Variants in EPB41L3 observed in about 807,000 individuals in gnomAD.
The protein encoded by EPB41L3 is band 4.1-like protein 3.
Under a neutral mutation model 127.1 loss-of-function variants are expected in EPB41L3, and 57 were observed. That is an observed-to-expected ratio of 0.45 (90% CI 0.36 to 0.56). The LOEUF (loss-of-function observed/expected upper bound fraction) is 0.56, where lower values mean the gene tolerates loss of function less well. Among genes scored for constraint, EPB41L3 ranks in the 20% least tolerant of loss-of-function variants. The pLI, the probability that EPB41L3 is intolerant of heterozygous loss-of-function variation, is 0.00. For synonymous variants in EPB41L3, 572 were observed against 549.5 expected, an observed-to-expected ratio of 1.04 and a Z score of -0.57; for missense variants, 1,273 against 1,372.2, an observed-to-expected ratio of 0.93 and a Z score of 1.14.
intron 3 of EPB41L3, among the ~76,000 whole-genome samples, chr18:5,457,537 A>C (rs1240669377): frequency 2.6e-5 from 4 of 152,090 alleles, no homozygotes; most frequent in Non-Finnish European, 4.4e-5. Context: ...TTTACCATTG[A>C]AAAAGAAAAA....
chr18:5,470,173 T>C (rs1349832265), intron 3 of EPB41L3, among the ~76,000 whole-genome samples: 1 of 152,196 alleles, frequency 6.6e-6, no homozygotes, highest in Non-Finnish European at 1.5e-5. Flanking sequence ...TCAGACACAC[T>C]GTTAGCTTCC....
At chr18:5,550,807 C>T (rs867519505) in intron 3 of EPB41L3, among the ~76,000 whole-genome samples, 3 of 152,280 alleles carry the variant, frequency 2.0e-5, no homozygotes, top group Middle Eastern at 6.8e-3. Flanking sequence ...CAAGCACTGA[C>T]TTCATGAAGG....
rs117274334 is a variant in EPB41L3, at chr18:5,554,603, C to T, written c.-306+57737G>A. Among the ~76,000 whole-genome samples, 868 of 152,324 alleles carry T rather than the reference C, an allele frequency of 5.7e-3. 3 individuals carry two copies. The highest frequency in any genetic ancestry group is 0.011 in the South Asian group (55 of 4,826). On this transcript the variant is annotated intron_variant, in intron 3 of 21. Transcript: ENST00000545076. ...ACCCTAAGGAAAACCCCATTCCTTA[C>T]TCCTGAGCCAACCCTGGTGACACCA...
intron 3 of EPB41L3, among the ~76,000 whole-genome samples, chr18:5,609,491 G>A (rs143880105): frequency 1.1e-3 from 164 of 152,192 alleles, no homozygotes; most frequent in African/African-American, 3.7e-3. Flanking sequence ...GCAAAACCAC[G>A]GAGGGTCCAG....
rs771853054 is a variant in EPB41L3 at position 5,398,041 on chromosome 18, T to A, written c.2452A>T (p.Thr818Ser). Residue 818 changes from threonine to serine, a missense_variant, in exon 17 of 23, where the codon ACT (threonine) becomes TCT (serine). Coordinates refer to ENST00000341928, the MANE Select transcript of EPB41L3 (RefSeq NM_012307.5). ...PTEFIGGVTSTSQSWVQKMET... is the reference protein window; with the variant it reads ...PTEFIGGVTSSSQSWVQKMET... ...GCCACCTGAACCCAGCTTTGAGAAG[T>A]AGAAGTAACCCCTCCTATGAATTCT... The A allele has an allele frequency of 6.2e-7, 1 of 1,613,908 alleles. No homozygotes were observed. The highest frequency in any genetic ancestry group is 1.3e-5 in the African/African-American group (1 of 74,892).
intron 1 of EPB41L3, among the ~76,000 whole-genome samples, chr18:5,621,798 A>T (rs2094865824): frequency 6.6e-6 from 1 of 152,246 alleles, no homozygotes; most frequent in African/African-American, 2.4e-5. Context: ...AAAGTGTAAC[A>T]GTTTTTCCTA....
chr18:5,622,289 T>C (rs2094872001), intron 1 of EPB41L3, among the ~76,000 whole-genome samples: 1 of 152,210 alleles, frequency 6.6e-6, no homozygotes, highest in Non-Finnish European at 1.5e-5. Context: ...GTACACTTGT[T>C]TGGGCACTTA....
At chr18:5,460,058 TCC>T (rs1171716370) in intron 3 of EPB41L3, among the ~76,000 whole-genome samples, 1 of 152,214 alleles carries the variant, frequency 6.6e-6, no homozygotes, top group Non-Finnish European at 1.5e-5. Context: ...TGCTCCTCTC[TCC>T]CTCATTTTGG....
At chr18:5,430,497 G>T (rs1345559027) in intron 8 of EPB41L3, among the ~76,000 whole-genome samples, 1 of 151,910 alleles carries the variant, frequency 6.6e-6, no homozygotes, top group African/African-American at 2.4e-5. Context: ...AAAAAAAAAT[G>T]ATACTTTTCA....
At chr18:5,604,539 C>T (rs1269995869) in intron 3 of EPB41L3, among the ~76,000 whole-genome samples, 3 of 152,048 alleles carry the variant, frequency 2.0e-5, no homozygotes, top group African/African-American at 2.4e-5. Flanking sequence ...CTGCAACCTC[C>T]GCCTTCCGAG....
intron 3 of EPB41L3, among the ~76,000 whole-genome samples, chr18:5,562,697 G>A (rs368360155): frequency 1.3e-5 from 2 of 152,180 alleles, no homozygotes; most frequent in East Asian, 3.9e-4. Context: ...AATGATGACA[G>A]TGAACATGAA....
At chr18:5,488,408 C>T (rs2090131791) in intron 2 of EPB41L3, among the ~76,000 whole-genome samples, 1 of 151,274 alleles carries the variant, frequency 6.6e-6, no homozygotes. Context: ...ACACTGGGGC[C>T]TGTCGGGGAC....
At chr18:5,416,849 A>AT (rs1162553643) in intron 12 of EPB41L3, among the ~76,000 whole-genome samples, 1 of 151,966 alleles carries the variant, frequency 6.6e-6, no homozygotes, top group African/African-American at 2.4e-5. Context: ...CCAGATTTTG[A>AT]TTAAAAAAAA....
intron 3 of EPB41L3, among the ~76,000 whole-genome samples, chr18:5,454,188 GTGTTTTTTTTTTGTTTCCT>G (rs1217926850): frequency 7.1e-6 from 1 of 140,708 alleles, no homozygotes; most frequent in Non-Finnish European, 1.5e-5. Flanking sequence ...AGCGGAGAGT[GTGTTTTTTTTTTGTTTCCT>G]TGTTTTTTTT....
At chr18:5,516,833 T>C (rs946021821) in intron 1 of EPB41L3, among the ~76,000 whole-genome samples, 43 of 152,236 alleles carry the variant, frequency 2.8e-4, no homozygotes, top group Non-Finnish European at 2.9e-5. Context: ...TGGAAAGGCC[T>C]CAATTTGCCA....
At chr18:5,481,166 T>C (rs1599555339) in intron 2 of EPB41L3, among the ~76,000 whole-genome samples, 2 of 152,174 alleles carry the variant, frequency 1.3e-5, no homozygotes, top group Non-Finnish European at 2.9e-5. Context: ...TTGTTATTTA[T>C]TAATATTGTT....
chr18:5,495,784 T>C (rs2148420748), intron 1 of EPB41L3, among the ~76,000 whole-genome samples: 1 of 152,338 alleles, frequency 6.6e-6, no homozygotes, highest in African/African-American at 2.4e-5. Flanking sequence ...ATATGCTCTG[T>C]GACCTTAACA....
intron 3 of EPB41L3, among the ~76,000 whole-genome samples, chr18:5,594,474 G>A (rs1412022866): frequency 3.9e-5 from 6 of 152,100 alleles, no homozygotes; most frequent in Admixed American, 6.6e-5. Flanking sequence ...GCCTTGCATT[G>A]TAATAAAATA....
At chr18:5,492,070 A>G (rs1749843240) in intron 1 of EPB41L3, among the ~76,000 whole-genome samples, 1 of 152,234 alleles carries the variant, frequency 6.6e-6, no homozygotes. Context: ...CTGTAATCCC[A>G]GGACTTTGGG....
Sources: allele counts gnomAD v4.1 joint callset (sites outside exome capture counted in the v4.1 genomes callset), GRCh38; gene constraint gnomAD v4.1.1; transcripts MANE v1.5; gene names NCBI Gene and HGNC (gene_info 2026-07-23, HGNC 2026-07-21).